The following KIF27 variants were observed in gnomAD, a reference collection of about 807,000 sequenced individuals.
KIF27 encodes kinesin family member 27, also known as kinesin-like protein KIF27.
KIF27 carries 84 observed loss-of-function variants against 141.8 expected under a neutral mutation model. The observed-to-expected ratio is 0.59, with a 90% confidence interval of 0.50 to 0.71. The LOEUF (loss-of-function observed/expected upper bound fraction) is 0.71. Among genes scored for constraint, KIF27 ranks in the 30% least tolerant of loss-of-function variants. The probability of loss-of-function intolerance (pLI) is 0.00; values close to 1 mark genes in which losing one functional copy is unlikely to be tolerated. For missense variants in KIF27, 1,306 were observed against 1,628.4 expected (o/e 0.80, Z 3.41); for synonymous variants, 471 against 569.5 (o/e 0.83, Z 2.46).
chr9:83,870,327 C>T (rs567967402), intron 12 of KIF27, among the ~76,000 whole-genome samples, 192 bp downstream of exon 12: 25 of 152,174 alleles, frequency 1.6e-4, no homozygotes, highest in South Asian at 6.2e-4. Flanking sequence ...CCACCAAGCC[C>T]GGCTAATTTT....
chr9:83,878,426 T>C (rs1334451554), intron 11 of KIF27, among the ~76,000 whole-genome samples: 7 of 152,048 alleles, frequency 4.6e-5, no homozygotes, highest in Admixed American at 3.3e-4. Context: ...CCCAAAGGAA[T>C]TGAAAACAGA....
intron 2 of KIF27, among the ~76,000 whole-genome samples, chr9:83,909,446 C>T (rs550530740): frequency 6.6e-6 from 1 of 151,980 alleles, no homozygotes; most frequent in Non-Finnish European, 1.5e-5. Context: ...CCTGTCCCTA[C>T]TAAAAATACA....
At chr9:83,849,178 A>C (rs1948234988) in intron 16 of KIF27, among the ~76,000 whole-genome samples, 2 of 152,178 alleles carry the variant, frequency 1.3e-5, no homozygotes, top group Admixed American at 1.3e-4. Context: ...ACTCACTTTA[A>C]AAAATATTAA....
intron 2 of KIF27, among the ~76,000 whole-genome samples, chr9:83,914,185 A>C (rs2132779135): frequency 6.6e-6 from 1 of 151,000 alleles, no homozygotes. Context: ...ATAATGGATC[A>C]TTAGGATTAT....
At chr9:83,908,247 G>A (rs890514572) in intron 3 of KIF27, among the ~76,000 whole-genome samples, 1 of 140,372 alleles carries the variant, frequency 7.1e-6, no homozygotes, top group African/African-American at 2.7e-5. Flanking sequence ...GGCTGATGGA[G>A]CGAAACTCCA....
chr9:83,857,657 TTTG>T (rs1329022333), intron 14 of KIF27, among the ~76,000 whole-genome samples: 1 of 152,228 alleles, frequency 6.6e-6, no homozygotes, highest in East Asian at 1.9e-4. Context: ...GCAAACATAA[TTTG>T]TTAATTCTCA....
intron 3 of KIF27, among the ~76,000 whole-genome samples, chr9:83,905,278 C>T (rs1241821994): frequency 6.6e-6 from 1 of 152,146 alleles, no homozygotes. Flanking sequence ...ACCACCACGC[C>T]TGGCTAATTT....
chr9:83,884,908 G>C (rs1263492278), intron 9 of KIF27, among the ~76,000 whole-genome samples: 1 of 151,862 alleles, frequency 6.6e-6, no homozygotes. Flanking sequence ...TTAATATATA[G>C]AAGAGAAAAA....
At position 83,879,776 on chromosome 9, in the gene KIF27, C is replaced by G. The variant is rs541837913; in HGVS notation, c.2643+521G>C. Among the ~76,000 whole-genome samples, 4 of 152,224 alleles carry G rather than the reference C, an allele frequency of 2.6e-5. No individual in the cohort carries two copies. In the South Asian group the frequency reaches 8.3e-4, roughly 32 times the overall value. ...GCAACTGAGTGAGCTAGGATTTGAA[C>G]CTATGATAGCCTGGTCAAAGAGCCT... On this transcript the variant is annotated intron_variant, in intron 11 of 17. Transcript: ENST00000297814.
chr9:83,869,786 G>A lies in KIF27; in HGVS notation c.2757+733C>T, dbSNP rs192360613. On this transcript the variant is annotated intron_variant, in intron 12 of 17. Transcript: ENST00000297814. ...GGAATAAATACAGTCCAGTGAACAT[G>A]GATTTCATGTTTATATTCTACAACA... Among the ~76,000 whole-genome samples the A allele has an allele frequency of 4.3e-3, 656 of 152,170 alleles. 2 individuals are homozygous for A. Among genetic ancestry groups the A allele is most frequent in the Middle Eastern group, 0.014 (4 of 292 alleles).
intron 17 of KIF27, among the ~76,000 whole-genome samples, chr9:83,841,038 G>A (rs1443725863): frequency 2.0e-5 from 3 of 151,982 alleles, no homozygotes; most frequent in Admixed American, 2.0e-4. Context: ...TCTTGAAAAT[G>A]TCTATACATG....
intron 5 of KIF27, among the ~76,000 whole-genome samples, chr9:83,893,224 T>G (rs1003279781): frequency 6.6e-5 from 10 of 152,138 alleles, no homozygotes; most frequent in African/African-American, 9.7e-5. Context: ...GTGACAGAGT[T>G]GAGGTCTGTC....
chr9:83,850,891 G>A (rs1284456113), intron 15 of KIF27, among the ~76,000 whole-genome samples: 1 of 115,542 alleles, frequency 8.7e-6, no homozygotes, highest in African/African-American at 3.4e-5. Flanking sequence ...AAGCTGGAGT[G>A]CAGTGGTGCA....
intron 2 of KIF27, among the ~76,000 whole-genome samples, chr9:83,914,780 C>T (rs1955527289): frequency 6.6e-6 from 1 of 152,124 alleles, no homozygotes. Context: ...CCCTTCAGCT[C>T]TATATGAGAT....
intron 4 of KIF27, among the ~76,000 whole-genome samples, chr9:83,901,272 T>C (rs1953860589): frequency 3.9e-5 from 6 of 152,214 alleles, no homozygotes; most frequent in Admixed American, 3.9e-4. Context: ...GACTAGTACA[T>C]TTTAATGTAT....
At chr9:83,909,771 C>A (rs180877279) in intron 2 of KIF27, among the ~76,000 whole-genome samples, 44 of 152,050 alleles carry the variant, frequency 2.9e-4, no homozygotes, top group African/African-American at 9.9e-4. Flanking sequence ...GCATTTTATT[C>A]CATAAATAGG....
At chr9:83,846,084 A>G (rs1407615843) in intron 16 of KIF27, among the ~76,000 whole-genome samples, 2 of 152,006 alleles carry the variant, frequency 1.3e-5, no homozygotes, top group Admixed American at 1.3e-4. Flanking sequence ...ACTTCCACTC[A>G]CCAAGGCTGA....
intron 10 of KIF27, among the ~76,000 whole-genome samples, chr9:83,880,926 G>A (rs1951625172): frequency 6.6e-6 from 1 of 152,168 alleles, no homozygotes; most frequent in Non-Finnish European, 1.5e-5. Flanking sequence ...TGTATGCAAT[G>A]CATATGCATG....
At chr9:83,913,346 C>T (rs1955372004) in intron 2 of KIF27, among the ~76,000 whole-genome samples, 1 of 152,174 alleles carries the variant, frequency 6.6e-6, no homozygotes, top group Non-Finnish European at 1.5e-5. Context: ...ACATTATTTG[C>T]ATGGTCTATA....
Sources: gnomAD v4.1 joint callset for allele counts (sites outside exome capture counted in the v4.1 genomes callset) on GRCh38, gnomAD v4.1.1 for gene constraint, MANE v1.5 for transcripts, NCBI Gene and HGNC (gene_info 2026-07-23, HGNC 2026-07-21) for gene names.